ARHGAP39: variants seen among roughly 807,000 people sequenced by gnomAD.
ARHGAP39 encodes the protein rho GTPase-activating protein 39.
In ARHGAP39, 44 loss-of-function variants were observed where a neutral mutation model predicts 106.9. The ratio of observed to expected loss-of-function variants is 0.41; its 90% CI spans 0.32 to 0.53. The LOEUF (loss-of-function observed/expected upper bound fraction) is 0.53, where lower values mean the gene tolerates loss of function less well. Among genes scored for constraint, ARHGAP39 ranks in the 20% least tolerant of loss-of-function variants. The probability of loss-of-function intolerance (pLI) is 0.21; values close to 1 mark genes in which losing one functional copy is unlikely to be tolerated. For missense variants in ARHGAP39, 1,496 were observed against 1,577.3 expected (o/e 0.95, Z 0.87); for synonymous variants, 768 against 693.2 (o/e 1.11, Z -1.69).
At chr8:144,698,257 C>T in the ARHGAP39 span, among the ~76,000 whole-genome samples, 20 of 152,202 alleles carry the variant, frequency 1.3e-4, no homozygotes, top group African/African-American at 4.1e-4. Context: ...GATCTCTGCA[C>T]ACCAGCTCCC....
chr8:144,655,308 C>T (rs965105677), intron 1 of ARHGAP39, among the ~76,000 whole-genome samples: 11 of 152,092 alleles, frequency 7.2e-5, no homozygotes, highest in African/African-American at 2.2e-4. Context: ...ATAAAAGCCC[C>T]GGGATCAGCC....
Position 144,598,866 on chromosome 8 carries a change from C to A in ARHGAP39, c.80+6669G>T, listed in dbSNP as rs182019673. ...GGCTTTTCAGACACATTTAGTGGAA[C>A]ATTTACAATAAGAGCTCATGTCTTT... is the stretch of plus-strand genomic sequence containing the variant. On this transcript the variant is annotated intron_variant, in intron 2 of 11. Coordinates refer to ENST00000377307, the MANE Select transcript of ARHGAP39 (RefSeq NM_025251.3). 3.5e-3 allele frequency among the ~76,000 whole-genome samples: 539 copies of A among 152,296 alleles called. 3 individuals carry two copies. Among genetic ancestry groups the A allele is most frequent in the Non-Finnish European group, 4.1e-3 (276 of 68,028 alleles).
chr8:144,666,143 T>A (rs941388993), intron 1 of ARHGAP39, among the ~76,000 whole-genome samples: 3 of 152,206 alleles, frequency 2.0e-5, no homozygotes, highest in African/African-American at 7.2e-5. Flanking sequence ...ATTTTGAACT[T>A]GCAAGGGGCC....
At chr8:144,589,867 G>C (rs1300842200) in intron 2 of ARHGAP39, among the ~76,000 whole-genome samples, 1 of 152,230 alleles carries the variant, frequency 6.6e-6, no homozygotes, top group Non-Finnish European at 1.5e-5. Flanking sequence ...CTTAGGACAA[G>C]GGCTGTGGGC....
chr8:144,547,667 C>T lies in ARHGAP39; in HGVS notation c.1419G>A (p.Met473Ile), dbSNP rs1486906530. The change falls in exon 5 of 12, where the codon ATG becomes ATA. Residue 473 changes from methionine to isoleucine, a missense_variant. Coordinates refer to ENST00000377307, the MANE Select transcript of ARHGAP39 (RefSeq NM_025251.3). The surrounding 1 kb of genome is among the most constrained non-coding windows in gnomAD (Gnocchi z 5.2). ...GGGTGTCCTGCTGGCTGGACCAGGACATGGCATCCTCCTGGGCCTGTGGCA... is the reference window on the plus strand; with the variant it reads ...GGGTGTCCTGCTGGCTGGACCAGGATATGGCATCCTCCTGGGCCTGTGGCA... Reference protein sequence around the residue: ...TPLPQAQEDAMSWSSQQDTLS... With the variant: ...TPLPQAQEDAISWSSQQDTLS... 5 of 1,562,986 alleles carry T rather than the reference C, an allele frequency of 3.2e-6. No homozygotes were observed. In the East Asian group the frequency reaches 1.2e-4, roughly 36 times the overall value.
chr8:144,588,362 G>C (rs1002349656), intron 2 of ARHGAP39, among the ~76,000 whole-genome samples: 1 of 152,264 alleles, frequency 6.6e-6, no homozygotes, highest in Non-Finnish European at 1.5e-5. Flanking sequence ...TGACTGCCCG[G>C]TGGGGCACAT....
chr8:144,628,327 A>T (rs774322027), intron 1 of ARHGAP39, among the ~76,000 whole-genome samples: 24 of 152,050 alleles, frequency 1.6e-4, no homozygotes, highest in Non-Finnish European at 3.4e-4. Context: ...CAGTCATTCA[A>T]GCAGGGGACA....
rs1816568987 is a variant in ARHGAP39, at chr8:144,529,573, A to C, written c.*849T>G. The C allele has an allele frequency of 6.6e-6, 1 of 152,126 alleles. No individual in the cohort carries two copies. Among genetic ancestry groups the C allele is most frequent in the Admixed American group, 6.6e-5 (1 of 15,266 alleles). The allele number at this position is 152,126 out of a possible 1,614,324, so 9.4% of individuals were successfully genotyped here. On this transcript the variant is annotated 3_prime_UTR_variant, in exon 12 of 12. Transcript: ENST00000377307. ...GTCAGAAGCCAAGAAAAAAGATCGG[A>C]GAAGAAAAGAAGGAATGACCTCAAC... is the stretch of plus-strand genomic sequence containing the variant.
intron 7 of ARHGAP39, 78 bp downstream of exon 7, chr8:144,537,643 A>C: frequency 4.6e-6 from 6 of 1,308,108 alleles, no homozygotes; most frequent in Non-Finnish European, 6.5e-6. Context: ...CGGTTAGAGA[A>C]GAGAAGGCCA....
At chr8:144,686,520 C>G (rs1822593818), upstream of ARHGAP39, among the ~76,000 whole-genome samples, 1 of 152,218 alleles carries the variant, frequency 6.6e-6, no homozygotes, top group Non-Finnish European at 1.5e-5. Flanking sequence ...GGCGCACACC[C>G]TTCAGTCCTG....
chr8:144,637,962 T>C (rs1051101612), intron 1 of ARHGAP39, among the ~76,000 whole-genome samples: 1 of 152,098 alleles, frequency 6.6e-6, no homozygotes, highest in South Asian at 2.1e-4. Flanking sequence ...CTCAAAGTGC[T>C]GCGATAACAG....
At chr8:144,637,417 C>G (rs1047921276) in intron 1 of ARHGAP39, among the ~76,000 whole-genome samples, 12 of 152,158 alleles carry the variant, frequency 7.9e-5, no homozygotes, top group African/African-American at 2.4e-4. Flanking sequence ...TGAGATTATC[C>G]TGGCCAACAT....
intron 1 of ARHGAP39, among the ~76,000 whole-genome samples, chr8:144,648,997 C>A (rs554900297): frequency 2.6e-5 from 4 of 152,136 alleles, no homozygotes; most frequent in African/African-American, 9.6e-5. Context: ...AAAAAATAAC[C>A]AAAATCAAAA....
chr8:144,679,958 C>T lies in ARHGAP39; in HGVS notation c.-82+5728G>A, dbSNP rs548026986. Reference sequence around the variant, plus strand: ...TCGCGCCGCCGCACTCCAGCCTGGACGACAGAGCAAGACTCCATCTCAAAA... The same window carrying T: ...TCGCGCCGCCGCACTCCAGCCTGGATGACAGAGCAAGACTCCATCTCAAAA... On this transcript the variant is annotated intron_variant, in intron 1 of 11. Coordinates refer to ENST00000377307, the MANE Select transcript of ARHGAP39 (RefSeq NM_025251.3). This position sits in a 1 kb window ranked among gnomAD's most constrained non-coding sequence, Gnocchi z 4.7. Among the ~76,000 whole-genome samples the T allele has an allele frequency of 2.0e-4, 31 of 152,206 alleles. No individual in the cohort carries two copies. The highest frequency in any genetic ancestry group is 6.2e-4 in the South Asian group (3 of 4,814).
At position 144,536,307 on chromosome 8, in the gene ARHGAP39, C is replaced by A. The variant is rs763952126; in HGVS notation, c.2614+1414G>T. On this transcript the variant is annotated intron_variant, in intron 7 of 11. Coordinates refer to ENST00000377307, the MANE Select transcript of ARHGAP39 (RefSeq NM_025251.3). ...CAGGCCTGCCCCGGGGACCTTAGAG[C>A]TACAGGACCAGGTCACAGGTCTCCC... Among the ~76,000 whole-genome samples the A allele has an allele frequency of 3.6e-4, 55 of 152,136 alleles. 1 individual carries two copies. Among genetic ancestry groups the A allele is most frequent in the Non-Finnish European group, 1.2e-4 (8 of 68,008 alleles).
At chr8:144,545,844 G>A (rs761430794) in intron 5 of ARHGAP39, 34 bp from the exon 6 acceptor site, 3 of 1,422,970 alleles carry the variant, frequency 2.1e-6, no homozygotes, top group East Asian at 4.8e-5. Flanking sequence ...GCTGTTGGGG[G>A]TGGGGGAGGG....
intron 1 of ARHGAP39, among the ~76,000 whole-genome samples, chr8:144,640,020 G>A (rs1821271267): frequency 6.6e-6 from 1 of 152,152 alleles, no homozygotes; most frequent in South Asian, 2.1e-4. Flanking sequence ...AATGGGTTAC[G>A]GATGCAAGAA....
chr8:144,600,806 C>G (rs552879699), intron 2 of ARHGAP39, among the ~76,000 whole-genome samples: 74 of 147,198 alleles, frequency 5.0e-4, no homozygotes, highest in African/African-American at 1.7e-3. Context: ...CATCTACCTA[C>G]CTGCGCGTGT....
At chr8:144,655,715 T>C (rs1177515129) in intron 1 of ARHGAP39, among the ~76,000 whole-genome samples, 2 of 152,198 alleles carry the variant, frequency 1.3e-5, no homozygotes, top group African/African-American at 4.8e-5. Flanking sequence ...TCCACTTGTC[T>C]GCATACCTCA....
Sources: allele counts gnomAD v4.1 joint callset (sites outside exome capture counted in the v4.1 genomes callset), GRCh38; gene constraint gnomAD v4.1.1; non-coding constraint Gnocchi (gnomAD v3.1); transcripts MANE v1.5; gene names NCBI Gene and HGNC (gene_info 2026-07-23, HGNC 2026-07-21).